Variants in FAM81B observed in about 807,000 individuals in gnomAD.
The protein encoded by FAM81B is protein FAM81B.
FAM81B carries 60 observed loss-of-function variants against 58.7 expected under a neutral mutation model. That is an observed-to-expected ratio of 1.02 (90% CI 0.83 to 1.27). The LOEUF is 1.27. Among genes scored for constraint, FAM81B ranks in the 50% most tolerant of loss-of-function variants. The pLI is 0.00. For missense variants in FAM81B, 491 were observed against 522.0 expected, an observed-to-expected ratio of 0.94 and a Z score of 0.58; for synonymous variants, 189 against 179.6, an observed-to-expected ratio of 1.05 and a Z score of -0.42.
At chr5:95,430,235 C>T (rs1039989511) in intron 6 of FAM81B, among the ~76,000 whole-genome samples, 4 of 152,006 alleles carry the variant, frequency 2.6e-5, no homozygotes, top group African/African-American at 4.8e-5. Flanking sequence ...TTCATTCCCA[C>T]CCCTTAACCA....
At chr5:95,440,081 G>A (rs1745272382) in intron 7 of FAM81B, 1 of 498,896 alleles carries the variant, frequency 2.0e-6, no homozygotes, top group African/African-American at 2.0e-5. Flanking sequence ...CAGAAAATTA[G>A]ACACTACAAG....
intron 3 of FAM81B, among the ~76,000 whole-genome samples, chr5:95,404,276 G>A (rs949600309): frequency 6.6e-6 from 1 of 152,080 alleles, no homozygotes; most frequent in Non-Finnish European, 1.5e-5. Flanking sequence ...CATGGTGGGG[G>A]TTTTAGGGGA....
At chr5:95,441,701 G>C (rs1459082773) in intron 7 of FAM81B, among the ~76,000 whole-genome samples, 2 of 151,990 alleles carry the variant, frequency 1.3e-5, no homozygotes, top group Admixed American at 6.5e-5. Flanking sequence ...GAACTTAAAA[G>C]CTACAGTGTT....
chr5:95,419,946 A>G (rs548378306), intron 4 of FAM81B, among the ~76,000 whole-genome samples: 1 of 152,350 alleles, frequency 6.6e-6, no homozygotes, highest in Admixed American at 6.5e-5. Context: ...AACACAATGC[A>G]TGTTCTGTTT....
At chr5:95,441,283 G>C (rs1745333278) in intron 7 of FAM81B, among the ~76,000 whole-genome samples, 1 of 152,022 alleles carries the variant, frequency 6.6e-6, no homozygotes, top group Non-Finnish European at 1.5e-5. Context: ...TTAAAACTAT[G>C]CATCTGGCCG....
chr5:95,417,348 T>A (rs1025746601), intron 4 of FAM81B, among the ~76,000 whole-genome samples: 2 of 152,186 alleles, frequency 1.3e-5, no homozygotes, highest in Non-Finnish European at 2.9e-5. Context: ...TCCACTTTTT[T>A]AAAGTGACTA....
In FAM81B at chr5:95,392,695, A is replaced by C. The variant is rs571152179; in HGVS notation, c.125-99A>C. On this transcript the variant is annotated intron_variant, in intron 1 of 9. Coordinates refer to ENST00000283357, the MANE Select transcript of FAM81B (RefSeq NM_152548.3). ...TGAAAGCCTCCCTTTAAGCCAAGCT[A>C]TATGTACAGAAACTGCCCTCAATTA... 5.6e-6 allele frequency: 5 copies of C among 893,762 alleles called. No homozygotes were observed. The East Asian group carries it at 1.1e-4, about 19-fold the overall frequency. The allele number at this position is 893,762 out of a possible 1,614,324, so 55.4% of individuals were successfully genotyped here.
At chr5:95,402,226 T>C (rs1762132858) in intron 3 of FAM81B, among the ~76,000 whole-genome samples, 1 of 152,228 alleles carries the variant, frequency 6.6e-6, no homozygotes, top group Admixed American at 6.5e-5. Context: ...AATTGAGACA[T>C]GCTCATGTGT....
At chr5:95,448,233 C>G in intron 8 of FAM81B, 36 bp from the exon 9 acceptor site, 1 of 1,533,534 alleles carries the variant, frequency 6.5e-7, no homozygotes, top group Non-Finnish European at 8.8e-7. Flanking sequence ...AATCCATGTA[C>G]ATTTCTGAAG....
intron 3 of FAM81B, among the ~76,000 whole-genome samples, chr5:95,402,308 A>AG (rs1762135336): frequency 6.6e-6 from 1 of 152,218 alleles, no homozygotes. Context: ...CAATGCAAAT[A>AG]GGGAAAAAAT....
At chr5:95,392,432 C>A (rs1761849688) in intron 1 of FAM81B, among the ~76,000 whole-genome samples, 1 of 152,062 alleles carries the variant, frequency 6.6e-6, no homozygotes, top group Non-Finnish European at 1.5e-5. Flanking sequence ...AGCAAACCAC[C>A]ATGGCACGTG....
chr5:95,428,724 G>C lies in FAM81B; in HGVS notation c.778G>C (p.Asp260His). The C allele has an allele frequency of 4.3e-6, 7 of 1,613,816 alleles. No homozygotes were observed. The highest frequency in any genetic ancestry group is 5.9e-6 in the Non-Finnish European group (7 of 1,179,744). Residue 260 changes from aspartate (D) to histidine (H), a missense_variant, in exon 6 of 10, where the codon GAC becomes CAC. Transcript: ENST00000283357. ...PALETLSKNL[D>H]MKVMQLLGKI... ...CCTGGAAACTCTTTCCAAGAACTTG[G>C]ACATGAAGGTAATTGAAAATAGATG...
At chr5:95,428,556 A>G in intron 5 of FAM81B, 47 bp from the exon 6 acceptor site, 1 of 1,606,556 alleles carries the variant, frequency 6.2e-7, no homozygotes. Context: ...TAGTGTTAAA[A>G]ATGTTATAAA....
chr5:95,407,283 C>T (rs1183734640), intron 3 of FAM81B, among the ~76,000 whole-genome samples: 2 of 151,980 alleles, frequency 1.3e-5, no homozygotes, highest in East Asian at 1.9e-4. Flanking sequence ...CACACACACA[C>T]ACACACACAC....
At chr5:95,426,242 G>A (rs1214521939) in intron 5 of FAM81B, among the ~76,000 whole-genome samples, 1 of 151,546 alleles carries the variant, frequency 6.6e-6, no homozygotes, top group Non-Finnish European at 1.5e-5. Flanking sequence ...TGTTCTTTGA[G>A]GCATGATATG....
At position 95,450,295 on chromosome 5, in the gene FAM81B, ATCT is replaced by A. The variant is rs754696634; in HGVS notation, c.*18_*20del. 8.1e-6 allele frequency: 13 copies of A among 1,609,642 alleles called. No homozygotes were observed. Among genetic ancestry groups the A allele is most frequent in the East Asian group, 4.5e-5 (2 of 44,670 alleles). ...CCAGGAAGTATAAACCTTTTCAGTCATCTTCTTTTTCATCAGCCAATGGAGTGA... is the reference window on the plus strand; with the variant it reads ...CCAGGAAGTATAAACCTTTTCAGTCATCTTTTTCATCAGCCAATGGAGTGA... On this transcript the variant is annotated 3_prime_UTR_variant, in exon 10 of 10. Coordinates refer to ENST00000283357, the MANE Select transcript of FAM81B (RefSeq NM_152548.3).
chr5:95,395,854 G>A (rs936244857), intron 2 of FAM81B, among the ~76,000 whole-genome samples: 1 of 152,136 alleles, frequency 6.6e-6, no homozygotes, highest in Non-Finnish European at 1.5e-5. Context: ...ATAATCTATG[G>A]CTTTGACTTT....
intron 1 of FAM81B, among the ~76,000 whole-genome samples, chr5:95,391,809 T>C (rs1229996099): frequency 2.0e-5 from 3 of 152,136 alleles, no homozygotes; most frequent in Non-Finnish European, 4.4e-5. Flanking sequence ...TGAGATACCA[T>C]CTCATGCCAG....
At chr5:95,439,264 A>G (rs1582826066) in intron 7 of FAM81B, among the ~76,000 whole-genome samples, 1 of 142,592 alleles carries the variant, frequency 7.0e-6, no homozygotes, top group Non-Finnish European at 1.5e-5. Flanking sequence ...ATATATATAT[A>G]TGTATATTTT....
Sources: gnomAD v4.1 joint callset for allele counts (sites outside exome capture counted in the v4.1 genomes callset) on GRCh38, gnomAD v4.1.1 for gene constraint, MANE v1.5 for transcripts, NCBI Gene and HGNC (gene_info 2026-07-23, HGNC 2026-07-21) for gene names.